The following SHLD1 variants were observed in gnomAD, a reference collection of about 807,000 sequenced individuals.
SHLD1 encodes the protein RINN1-REV7-interacting novel NHEJ regulator 3.
SHLD1 carries 3 observed loss-of-function variants against 5.5 expected under a neutral mutation model. That is an observed-to-expected ratio of 0.54 (90% CI 0.25 to 1.40). The LOEUF (loss-of-function observed/expected upper bound fraction) is 1.40, where lower values mean the gene tolerates loss of function less well. Ranked by LOEUF, SHLD1 falls within the 40% of genes most tolerant of loss-of-function variation. SHLD1 has a pLI of 0.15. For missense variants in SHLD1, 210 were observed against 244.4 expected (o/e 0.86, Z 0.94); for synonymous variants, 92 against 94.3 (o/e 0.98, Z 0.14).
In SHLD1 at chr20:5,806,859, C is replaced by T. The variant is rs948743869; in HGVS notation, c.178+33816C>T. On this transcript the variant is annotated intron_variant, in intron 2 of 2. Transcript: ENST00000303142. This position sits in a 1 kb window ranked among gnomAD's most constrained non-coding sequence, Gnocchi z 7.6. ...TGGTTGCCAGCCCTCTGTCACCACC[C>T]TCTCCACTAGAATGCCATGTATTAT... Among the ~76,000 whole-genome samples, 5 of 152,362 alleles carry T rather than the reference C, an allele frequency of 3.3e-5. No individual in the cohort carries two copies. Among genetic ancestry groups the T allele is most frequent in the Admixed American group, 6.5e-5 (1 of 15,310 alleles).
intron 1 of SHLD1, among the ~76,000 whole-genome samples, chr20:5,761,063 A>G (rs1312883198): frequency 6.6e-6 from 1 of 152,128 alleles, no homozygotes; most frequent in Non-Finnish European, 1.5e-5. Context: ...TAAGGATGAA[A>G]GAAGCTGCAG....
At chr20:5,775,843 A>G (rs1263868238) in intron 2 of SHLD1, among the ~76,000 whole-genome samples, 1 of 151,358 alleles carries the variant, frequency 6.6e-6, no homozygotes, top group African/African-American at 2.4e-5. Flanking sequence ...AGTGTGTGGC[A>G]GGGAGTGGAC....
chr20:5,797,977 T>C (rs374145460), intron 2 of SHLD1, among the ~76,000 whole-genome samples: 1 of 152,320 alleles, frequency 6.6e-6, no homozygotes, highest in East Asian at 1.9e-4. Flanking sequence ...AATTTAGTGG[T>C]GTGGAACAAC....
intron 2 of SHLD1, among the ~76,000 whole-genome samples, chr20:5,849,393 C>CTTGGAGTGTCA (rs1459110038): frequency 6.6e-6 from 1 of 152,166 alleles, no homozygotes; most frequent in Non-Finnish European, 1.5e-5. Context: ...GGAGGATTGG[C>CTTGGAGTGTCA]TTGGAGTGTC....
At chr20:5,819,196 T>C (rs1263758931) in intron 2 of SHLD1, among the ~76,000 whole-genome samples, 1 of 152,056 alleles carries the variant, frequency 6.6e-6, no homozygotes, top group African/African-American at 2.4e-5. Flanking sequence ...CACTCCTCGG[T>C]CTGAGCACTT....
intron 1 of SHLD1, among the ~76,000 whole-genome samples, chr20:5,771,702 T>C (rs562319423): frequency 6.7e-6 from 1 of 150,086 alleles, no homozygotes; most frequent in Admixed American, 6.7e-5. Flanking sequence ...ACAACCTCCG[T>C]GTGGCTATAA....
chr20:5,762,971 CA>C (rs561487362), intron 1 of SHLD1, among the ~76,000 whole-genome samples: 35,917 of 102,604 alleles, frequency 0.35, 4,970 homozygotes, highest in East Asian at 0.53. Context: ...GACTCCGTCT[CA>C]AAAAAAAAAA....
chr20:5,754,579 C>T (rs1439775692), intron 1 of SHLD1, among the ~76,000 whole-genome samples: 6 of 152,034 alleles, frequency 3.9e-5, no homozygotes, highest in Non-Finnish European at 7.4e-5. Context: ...GACCATGGCC[C>T]GTAACACAGC....
chr20:5,764,219 G>GTATATATATATATATATATATATA, intron 1 of SHLD1, among the ~76,000 whole-genome samples: 1 of 94,566 alleles, frequency 1.1e-5, no homozygotes, highest in African/African-American at 5.0e-5. Flanking sequence ...TTGTGTGTGT[G>GTATATATATATATATATATATATA]TATATATATA....
At chr20:5,814,501 A>G (rs374799873) in intron 2 of SHLD1, among the ~76,000 whole-genome samples, 8 of 152,288 alleles carry the variant, frequency 5.3e-5, no homozygotes, top group African/African-American at 1.7e-4. Context: ...CACAGTCCCT[A>G]TAGAATTGAA....
intron 2 of SHLD1, among the ~76,000 whole-genome samples, chr20:5,788,278 T>G (rs1306715304): frequency 6.7e-6 from 1 of 148,336 alleles, no homozygotes; most frequent in Non-Finnish European, 1.5e-5. Flanking sequence ...CCCCCATTTC[T>G]TCCTAGTATA....
At chr20:5,810,925 TTTG>T (rs1266115553) in intron 2 of SHLD1, among the ~76,000 whole-genome samples, 12 of 152,030 alleles carry the variant, frequency 7.9e-5, no homozygotes, top group African/African-American at 2.9e-4. Flanking sequence ...TATATAATCT[TTTG>T]TTAACTCTGC....
intron 2 of SHLD1, among the ~76,000 whole-genome samples, chr20:5,844,789 A>ATT (rs1568528971): frequency 2.0e-5 from 2 of 100,238 alleles, no homozygotes; most frequent in African/African-American, 1.2e-4. Context: ...ATATATATAT[A>ATT]TATATATATA....
intron 1 of SHLD1, among the ~76,000 whole-genome samples, chr20:5,763,947 A>T (rs1233609911): frequency 6.0e-5 from 3 of 49,626 alleles, no homozygotes; most frequent in Admixed American, 4.8e-4. Flanking sequence ...CGTCTTTACT[A>T]AAAAAAAAAA....
intron 2 of SHLD1, among the ~76,000 whole-genome samples, chr20:5,837,519 T>C (rs968455565): frequency 2.7e-5 from 4 of 148,978 alleles, no homozygotes; most frequent in African/African-American, 9.8e-5. Flanking sequence ...CATGTGCCCA[T>C]GTGTTCTCAT....
intron 2 of SHLD1, among the ~76,000 whole-genome samples, chr20:5,860,056 C>T (rs1043455549): frequency 3.9e-5 from 6 of 152,026 alleles, no homozygotes; most frequent in Non-Finnish European, 8.8e-5. Flanking sequence ...GTGGGCATCC[C>T]CCGCTCTCTC....
chr20:5,794,142 C>G (rs2087179361), intron 2 of SHLD1, among the ~76,000 whole-genome samples: 1 of 152,172 alleles, frequency 6.6e-6, no homozygotes, highest in South Asian at 2.1e-4. Flanking sequence ...GCTAAACATG[C>G]TAGCTTTCTG....
chr20:5,803,733 G>A lies in SHLD1; in HGVS notation c.178+30690G>A, dbSNP rs181967813. Among the ~76,000 whole-genome samples, 1,134 of 152,014 alleles carry A rather than the reference G, an allele frequency of 7.5e-3. 16 individuals are homozygous for A. Among genetic ancestry groups the A allele is most frequent in the African/African-American group, 0.025 (1,052 of 41,450 alleles). On this transcript the variant is annotated intron_variant, in intron 2 of 2. Coordinates refer to ENST00000303142, the MANE Select transcript of SHLD1 (RefSeq NM_152504.4). The stretch of plus-strand genomic sequence containing the variant: ...AAAATAAAAAAAAAATTAGCTGGGC[G>A]TGGTGGCACACACCTGTAGTCCCAG...
intron 2 of SHLD1, among the ~76,000 whole-genome samples, chr20:5,818,615 C>T (rs1600152916): frequency 6.6e-6 from 1 of 152,110 alleles, no homozygotes; most frequent in African/African-American, 2.4e-5. Flanking sequence ...AACTCTTGGT[C>T]CTTGCAAGGA....
Sources: gnomAD v4.1 joint callset for allele counts (sites outside exome capture counted in the v4.1 genomes callset) on GRCh38, gnomAD v4.1.1 for gene constraint, Gnocchi (gnomAD v3.1) non-coding constraint, MANE v1.5 for transcripts, NCBI Gene and HGNC (gene_info 2026-07-23, HGNC 2026-07-21) for gene names.